The following SESN1 variants were observed in gnomAD, a reference collection of about 807,000 sequenced individuals.
SESN1 encodes sestrin 1.
SESN1 carries 30 observed loss-of-function variants against 59.3 expected under a neutral mutation model. That is an observed-to-expected ratio of 0.51 (90% CI 0.38 to 0.69). The LOEUF is 0.69. Ranked by LOEUF, SESN1 falls within the 30% of genes least tolerant of loss-of-function variation. The probability of loss-of-function intolerance (pLI) is 0.00; values close to 1 mark genes in which losing one functional copy is unlikely to be tolerated. For missense variants in SESN1, 566 were observed against 673.0 expected (o/e 0.84, Z 1.76); for synonymous variants, 197 against 219.9 (o/e 0.90, Z 0.92).
At chr6:109,085,106 C>T (rs1264284263) in intron 1 of SESN1, among the ~76,000 whole-genome samples, 2 of 148,916 alleles carry the variant, frequency 1.3e-5, no homozygotes, top group East Asian at 3.9e-4. Flanking sequence ...TTGACACTGG[C>T]TTATCAGTGT....
At chr6:109,085,020 G>A (rs17070147) in intron 1 of SESN1, among the ~76,000 whole-genome samples, 22,917 of 150,520 alleles carry the variant, frequency 0.15, 1,987 homozygotes, top group Middle Eastern at 0.25. Context: ...AGCGAAAAAC[G>A]CACTTTTAAA....
rs111773102 is a variant in SESN1 at position 108,985,277 on chromosome 6, C to T, written c.*2267G>A. On this transcript the variant is annotated 3_prime_UTR_variant, in exon 10 of 10. Coordinates refer to ENST00000436639, the MANE Select transcript of SESN1 (RefSeq NM_014454.3). ...GCCTAATAAAAAATTTTCCCAAATA[C>T]GGCCAAAACAACTCAAGATTTTAAC... Among the ~76,000 whole-genome samples, 15,260 of 152,108 alleles carry T rather than the reference C, an allele frequency of 0.1. 904 individuals carry two copies. The highest frequency in any genetic ancestry group is 0.19 in the South Asian group (909 of 4,820).
At chr6:109,039,116 AAGG>A (rs1369413083) in intron 1 of SESN1, among the ~76,000 whole-genome samples, 124 of 150,776 alleles carry the variant, frequency 8.2e-4, no homozygotes, top group African/African-American at 2.9e-3. Context: ...AAGGAGAAGG[AAGG>A]AGGAGAAGGA....
intron 7 of SESN1, among the ~76,000 whole-genome samples, chr6:108,992,388 A>C (rs1779404618): frequency 6.6e-6 from 1 of 152,072 alleles, no homozygotes; most frequent in Non-Finnish European, 1.5e-5. Flanking sequence ...AGGTGCTGGG[A>C]TCACAGGCGG....
intron 1 of SESN1, among the ~76,000 whole-genome samples, chr6:109,030,134 T>A (rs1269553649): frequency 1.3e-5 from 2 of 152,178 alleles, no homozygotes; most frequent in African/African-American, 4.8e-5. Flanking sequence ...GATTCTCCAC[T>A]GTCTAGTCCT....
intron 4 of SESN1, 97 bp from the exon 5 acceptor site, chr6:108,998,852 TCATA>T: frequency 2.2e-6 from 3 of 1,372,344 alleles, no homozygotes; most frequent in Non-Finnish European, 2.9e-6. Flanking sequence ...ACATGAGTCA[TCATA>T]CAAAGCCTAG....
At chr6:109,042,830 G>A (rs1780364004) in intron 1 of SESN1, among the ~76,000 whole-genome samples, 1 of 151,846 alleles carries the variant, frequency 6.6e-6, no homozygotes, top group Admixed American at 6.6e-5. Flanking sequence ...AAAACAAGGA[G>A]GGAAAAATTT....
intron 1 of SESN1, among the ~76,000 whole-genome samples, chr6:109,035,235 T>A (rs1022337941): frequency 3.3e-5 from 5 of 152,150 alleles, no homozygotes; most frequent in African/African-American, 9.7e-5. Context: ...CAGCATTCAT[T>A]TGTTCATTAC....
At chr6:109,078,134 C>G (rs1781060855) in intron 1 of SESN1, among the ~76,000 whole-genome samples, 1 of 151,838 alleles carries the variant, frequency 6.6e-6, no homozygotes, top group African/African-American at 2.4e-5. Flanking sequence ...TATTTCTTTT[C>G]CTATACATAC....
intron 1 of SESN1, among the ~76,000 whole-genome samples, chr6:109,033,657 G>T (rs67977976): frequency 0.076 from 11,585 of 152,088 alleles, 1,012 homozygotes; most frequent in African/African-American, 0.21. Flanking sequence ...ATTTTCATTT[G>T]TAAAATGGGA....
intron 1 of SESN1, among the ~76,000 whole-genome samples, chr6:109,017,988 G>A (rs970362951): frequency 2.0e-5 from 3 of 152,154 alleles, no homozygotes; most frequent in South Asian, 2.1e-4. Flanking sequence ...GCAACATGGC[G>A]AGAACCCTGT....
intron 1 of SESN1, among the ~76,000 whole-genome samples, chr6:109,082,893 A>C (rs1781149413): frequency 6.6e-6 from 1 of 152,248 alleles, no homozygotes; most frequent in South Asian, 2.1e-4. Flanking sequence ...TGGAAGATCT[A>C]GATCAAATGC....
chr6:109,043,443 T>C (rs1415731809), intron 1 of SESN1, among the ~76,000 whole-genome samples: 2 of 152,092 alleles, frequency 1.3e-5, no homozygotes, highest in African/African-American at 2.4e-5. Flanking sequence ...TACTTATAGA[T>C]GACACAATTA....
chr6:109,005,096 A>G (rs1007112508), intron 1 of SESN1, among the ~76,000 whole-genome samples: 2 of 152,240 alleles, frequency 1.3e-5, no homozygotes, highest in Non-Finnish European at 2.9e-5. Flanking sequence ...ATGTGCTCAC[A>G]TTTGTGAAAT....
At chr6:109,092,429 T>C (rs1366689857) in intron 1 of SESN1, among the ~76,000 whole-genome samples, 1 of 152,354 alleles carries the variant, frequency 6.6e-6, no homozygotes, top group African/African-American at 2.4e-5. Context: ...CTGCTTACTT[T>C]TATTTTCAAT....
chr6:109,077,892 C>T (rs1358156774), intron 1 of SESN1, among the ~76,000 whole-genome samples: 1 of 152,082 alleles, frequency 6.6e-6, no homozygotes, highest in African/African-American at 2.4e-5. Context: ...GCACTCAATA[C>T]ATTTAAGTGA....
chr6:108,990,072 T>G (rs1277070152), intron 8 of SESN1, among the ~76,000 whole-genome samples: 3 of 152,188 alleles, frequency 2.0e-5, no homozygotes, highest in Non-Finnish European at 2.9e-5. Flanking sequence ...ACAGCAAAAA[T>G]AGTTAACTAG....
At chr6:109,016,035 C>T (rs1158175632) in intron 1 of SESN1, among the ~76,000 whole-genome samples, 1 of 152,092 alleles carries the variant, frequency 6.6e-6, no homozygotes, top group East Asian at 1.9e-4. Context: ...AAAACCAAAC[C>T]TAATATCTTT....
intron 1 of SESN1, among the ~76,000 whole-genome samples, chr6:109,027,392 G>T: frequency 6.7e-6 from 1 of 148,280 alleles, no homozygotes; most frequent in East Asian, 2.0e-4. Context: ...CAGGAGAATT[G>T]CTTGAACCAG....
Sources: allele counts gnomAD v4.1 joint callset (sites outside exome capture counted in the v4.1 genomes callset), GRCh38; gene constraint gnomAD v4.1.1; transcripts MANE v1.5; gene names NCBI Gene and HGNC (gene_info 2026-07-23, HGNC 2026-07-21).